The following TFAP4 variants were observed in gnomAD, a reference collection of about 807,000 sequenced individuals.
TFAP4 encodes the protein transcription factor AP-4.
Under a neutral mutation model 40.4 loss-of-function variants are expected in TFAP4, and 7 were observed. The observed-to-expected ratio is 0.17, with a 90% CI of 0.10 to 0.33. The LOEUF is 0.33. TFAP4 is among the 10% of genes least tolerant of loss of function. The pLI, the probability that TFAP4 is intolerant of heterozygous loss-of-function variation, is 1.00. For missense variants in TFAP4, 374 were observed against 451.1 expected, an observed-to-expected ratio of 0.83 and a Z score of 1.55; for synonymous variants, 218 against 181.4, an observed-to-expected ratio of 1.20 and a Z score of -1.62.
intron 1 of TFAP4, chr16:4,266,573 G>C (rs1323238561): frequency 6.6e-6 from 1 of 152,144 alleles, no homozygotes; most frequent in African/African-American, 2.4e-5. Flanking sequence ...CCGCTAACCA[G>C]GAATTCTTAT....
chr16:4,260,031 A>T, intron 6 of TFAP4, 59 bp downstream of exon 6: 1 of 1,549,702 alleles, frequency 6.5e-7, no homozygotes. Flanking sequence ...AGTCTCCCCT[A>T]AAGAGCCTGT....
chr16:4,270,423 C>T (rs2053031724), intron 1 of TFAP4, among the ~76,000 whole-genome samples: 1 of 152,214 alleles, frequency 6.6e-6, no homozygotes, highest in Admixed American at 6.6e-5. Context: ...TGAGATGACC[C>T]TGAGAAGCAA....
chr16:4,268,577 AT>A lies in TFAP4; in HGVS notation c.89+4080del, dbSNP rs1215568642. ...TTATGGGAGCTTTTTAAGTTTTATT[AT>A]TTTTTTAATTTATTTTTATTTATTT... On this transcript the variant is annotated intron_variant, in intron 1 of 6. Transcript: ENST00000204517. 4.7e-4 allele frequency among the ~76,000 whole-genome samples: 72 copies of A among 151,996 alleles called. 2 individuals carry two copies. In the East Asian group the frequency reaches 0.013, roughly 27 times the overall value.
chr16:4,258,627 G>A, intron 6 of TFAP4: 1 of 163,008 alleles, frequency 6.1e-6, no homozygotes, highest in Admixed American at 6.2e-5. Context: ...TGTTGCCCAA[G>A]CTGATCTCGA....
In TFAP4 at chr16:4,257,352, C is replaced by T. The variant is rs1415442462; in HGVS notation, c.*703G>A. ...AGAAAGAAAAAAAAGAAAAACAAAA[C>T]AAAAACAGAAAGCAAACCAAAAAGA... On this transcript the variant is annotated 3_prime_UTR_variant, in exon 7 of 7. Transcript: ENST00000204517. 7.7e-6 allele frequency: 1 copy of T among 129,106 alleles called. No homozygotes were observed. The highest frequency in any genetic ancestry group is 2.9e-5 in the African/African-American group (1 of 34,102). The allele number at this position is 129,106 out of a possible 1,614,324, so 8.0% of individuals were successfully genotyped here.
At position 4,271,945 on chromosome 16, in the gene TFAP4, G is replaced by A. The variant is rs139657794; in HGVS notation, c.89+713C>T. On this transcript the variant is annotated intron_variant, in intron 1 of 6. Transcript: ENST00000204517. ...AGCTCCCGCGAGGCCGCGCGCAGAG[G>A]TCCGCCTACTCCAAGAGGGCTGCAG... is the stretch of plus-strand genomic sequence containing the variant. 4.3e-3 allele frequency among the ~76,000 whole-genome samples: 658 copies of A among 152,274 alleles called. 5 individuals are homozygous for A. Among genetic ancestry groups the A allele is most frequent in the African/African-American group, 0.014 (599 of 41,570 alleles).
At chr16:4,266,469 T>G (rs766499815) in intron 1 of TFAP4, 1 of 151,932 alleles carries the variant, frequency 6.6e-6, no homozygotes, top group Admixed American at 6.5e-5. Context: ...GCCCTGGAAG[T>G]ACCCGCCGAC....
intron 1 of TFAP4, among the ~76,000 whole-genome samples, chr16:4,269,009 T>A (rs1208238077): frequency 6.6e-6 from 1 of 152,022 alleles, no homozygotes; most frequent in Non-Finnish European, 1.5e-5. Context: ...TGCCTCAGCC[T>A]CCCAAGGAGC....
chr16:4,272,163 G>A (rs1359720829), intron 1 of TFAP4, among the ~76,000 whole-genome samples: 8 of 150,232 alleles, frequency 5.3e-5, no homozygotes, highest in Non-Finnish European at 1.2e-4. Flanking sequence ...CACAGTGCCC[G>A]GCTCCCCGCC....
At chr16:4,259,088 CA>C (rs112489448) in intron 6 of TFAP4, among the ~76,000 whole-genome samples, 2 of 147,094 alleles carry the variant, frequency 1.4e-5, no homozygotes, top group Non-Finnish European at 3.0e-5. Context: ...AACTCTATCT[CA>C]AAAAAAAAGA....
chr16:4,266,250 A>G (rs930085606), intron 1 of TFAP4: 1 of 152,292 alleles, frequency 6.6e-6, no homozygotes, highest in Non-Finnish European at 1.5e-5. Flanking sequence ...CTGCCGGCCC[A>G]GCTTCTCCAA....
At position 4,272,713 on chromosome 16, in the gene TFAP4, G is replaced by T; in HGVS notation, c.34C>A (p.Pro12Thr). 1 of 1,613,544 alleles carries T rather than the reference G, an allele frequency of 6.2e-7. No individual in the cohort carries two copies. Among genetic ancestry groups the T allele is most frequent in the Non-Finnish European group, 8.5e-7 (1 of 1,179,646 alleles). Residue 12 changes from proline to threonine, a missense_variant, in exon 1 of 7, where the codon CCC becomes ACC. By Grantham distance (38) the Pro-to-Thr change is conservative. Around this residue, in one of 6 missense-constraint regions of TFAP4, gnomAD observed 51 missense variants for 59.3 expected, o/e 0.86. Coordinates refer to ENST00000204517, the MANE Select transcript of TFAP4 (RefSeq NM_003223.3). The stretch of plus-strand genomic sequence containing the variant: ...GTTTTCCTGAAATGTTGCAAAGAGG[G>T]CACCTTCTGAGTGGGCACCATGAAA... ...EYFMVPTQKV[P>T]SLQHFRKTEK...
intron 4 of TFAP4, among the ~76,000 whole-genome samples, chr16:4,261,544 C>T (rs1477357912): frequency 6.6e-6 from 1 of 152,090 alleles, no homozygotes; most frequent in Non-Finnish European, 1.5e-5. Flanking sequence ...CCGCCTCGGC[C>T]TCCCACAGCA....
chr16:4,260,210 C>T lies in TFAP4; in HGVS notation c.702G>A (p.Thr234=), dbSNP rs139095393. 3.0e-4 allele frequency: 62 copies of T among 210,036 alleles called. No homozygotes were observed. Among genetic ancestry groups the T allele is most frequent in the Non-Finnish European group, 5.6e-4 (60 of 107,438 alleles). 13.0% of individuals were successfully genotyped at this position (210,036 alleles called of 1,614,324 possible). A position where few individuals can be genotyped will look rare whatever the true frequency, so the allele number is the denominator to read the frequency against. Residue 234 remains threonine (T), a synonymous_variant, in exon 6 of 7, where the codon ACG becomes ACA. Transcript: ENST00000204517. The part of the protein sequence containing the change: ...LPPPAPTHHP[T]VIVPAPPPPP... Reference sequence around the variant, plus strand: ...GAGGAGGCGGTGCTGGCACGATCACCGTGGGGTGGTGGGTGGGGGCCGGAG... The same window carrying T: ...GAGGAGGCGGTGCTGGCACGATCACTGTGGGGTGGTGGGTGGGGGCCGGAG...
rs71394667 is a variant in TFAP4 at position 4,265,609 on chromosome 16, C to CAAAAAAAAAAAAAAAAAAAAAA, written c.90-2930_90-2909dup. ...TGGGCAACAGAGTGAGACCTTGTCT[C>CAAAAAAAAAAAAAAAAAAAAAA]AAAAAAAAAAAAAAAAAAAAAAAAA... On this transcript the variant is annotated intron_variant, in intron 1 of 6. Transcript: ENST00000204517. 2 of 39,086 alleles carry CAAAAAAAAAAAAAAAAAAAAAA rather than the reference C, an allele frequency of 5.1e-5. 1 individual carries two copies. The highest frequency in any genetic ancestry group is 8.8e-5 in the Non-Finnish European group (2 of 22,826). 2.4% of individuals were successfully genotyped at this position (39,086 alleles called of 1,614,324 possible). A position where few individuals can be genotyped will look rare whatever the true frequency, so the allele number is the denominator to read the frequency against.
intron 1 of TFAP4, chr16:4,267,031 A>AT (rs924521798): frequency 6.6e-6 from 1 of 151,538 alleles, no homozygotes; most frequent in Admixed American, 6.6e-5. Context: ...CTGGCTAATT[A>AT]TGGGGGGCGG....
At chr16:4,272,489 T>C (rs1261847411) in intron 1 of TFAP4, among the ~76,000 whole-genome samples, 169 bp downstream of exon 1, 1 of 150,938 alleles carries the variant, frequency 6.6e-6, no homozygotes, top group African/African-American at 2.4e-5. Context: ...GGAAGGAGGG[T>C]CCCGGGGCGG....
chr16:4,271,655 C>A (rs1268699196), intron 1 of TFAP4, among the ~76,000 whole-genome samples: 1 of 152,204 alleles, frequency 6.6e-6, no homozygotes, highest in Non-Finnish European at 1.5e-5. Context: ...TCGGGCCACC[C>A]ACCCGGCTGG....
intron 1 of TFAP4, chr16:4,264,384 A>C (rs1040532436): frequency 2.6e-5 from 4 of 152,224 alleles, no homozygotes; most frequent in African/African-American, 9.7e-5. Context: ...TTCCTCTCCC[A>C]ATAGAGAGGT....
Sources: gnomAD v4.1 joint callset for allele counts (sites outside exome capture counted in the v4.1 genomes callset) on GRCh38, gnomAD v4.1.1 for gene constraint, gnomAD v4.1.1 regional missense constraint, MANE v1.5 for transcripts, NCBI Gene and HGNC (gene_info 2026-07-23, HGNC 2026-07-21) for gene names.